PACS2: variants seen among roughly 807,000 people sequenced by gnomAD.
The protein encoded by PACS2 is PACS1-like protein.
PACS2 carries 36 observed loss-of-function variants against 113.0 expected under a neutral mutation model. That is an observed-to-expected ratio of 0.32 (90% confidence interval 0.24 to 0.42). The LOEUF (loss-of-function observed/expected upper bound fraction) is 0.42, where lower values mean the gene tolerates loss of function less well. Among genes scored for constraint, PACS2 ranks in the 10% least tolerant of loss-of-function variants. The pLI, the probability that PACS2 is intolerant of heterozygous loss-of-function variation, is 1.00. For missense variants in PACS2, 1,015 were observed against 1,239.5 expected, an observed-to-expected ratio of 0.82 and a Z score of 2.72; for synonymous variants, 589 against 536.1, an observed-to-expected ratio of 1.10 and a Z score of -1.36.
At position 105,355,842 on chromosome 14, in the gene PACS2, C is replaced by T. The variant is rs921704869; in HGVS notation, c.423+665C>T. Among the ~76,000 whole-genome samples the T allele has an allele frequency of 2.0e-5, 3 of 152,174 alleles. No homozygotes were observed. Among genetic ancestry groups the T allele is most frequent in the African/African-American group, 7.2e-5 (3 of 41,442 alleles). The stretch of plus-strand genomic sequence containing the variant: ...CCCAGGCTGAGGCCTCGGACTTTCT[C>T]ATGGACCCTTTCGGGGCTGCAAGAT... On this transcript the variant is annotated intron_variant, in intron 4 of 24. Coordinates refer to ENST00000447393, the MANE Select transcript of PACS2 (RefSeq NM_001100913.3). This position sits in a 1 kb window ranked among gnomAD's most constrained non-coding sequence, Gnocchi z 4.1.
Position 105,381,017 on chromosome 14 carries a change from TCCAC to T in PACS2, c.1189_1192del (p.Thr397TrpfsTer41). The T allele has an allele frequency of 6.2e-7, 1 of 1,612,490 alleles. No individual in the cohort carries two copies. The highest frequency in any genetic ancestry group is 1.1e-5 in the South Asian group (1 of 91,008). The stretch of plus-strand genomic sequence containing the variant: ...TGAGGACAGCCCCGAGGCTGAGGCC[TCCAC>T]CCTGGATGTGTTCACGGAGAGGCTG... On this transcript the variant is annotated frameshift_variant, in exon 12 of 25. Transcript: ENST00000447393.
intron 3 of PACS2, among the ~76,000 whole-genome samples, chr14:105,353,193 C>A (rs1469847361): frequency 1.6e-5 from 2 of 125,236 alleles, no homozygotes; most frequent in Non-Finnish European, 3.4e-5. Flanking sequence ...CGGGCCCCCC[C>A]AATCACTGTC....
intron 1 of PACS2, among the ~76,000 whole-genome samples, chr14:105,332,415 T>C (rs949327967): frequency 1.3e-5 from 2 of 152,140 alleles, no homozygotes; most frequent in Non-Finnish European, 2.9e-5. Context: ...GAGGAGCAGG[T>C]GGCCCCCTCG....
rs2059235138 is a variant in PACS2 at position 105,329,757 on chromosome 14, G to A, written c.119+14720G>A. 6.6e-6 allele frequency among the ~76,000 whole-genome samples: 1 copy of A among 152,218 alleles called. No individual in the cohort carries two copies. Among genetic ancestry groups the A allele is most frequent in the Non-Finnish European group, 1.5e-5 (1 of 68,042 alleles). The stretch of plus-strand genomic sequence containing the variant: ...TAGTGTATCAGCTCCCGGACTGCAG[G>A]CAGCAGCAAACTCTGCCGTGTGGTA... On this transcript the variant is annotated intron_variant, in intron 1 of 24. Coordinates refer to ENST00000447393, the MANE Select transcript of PACS2 (RefSeq NM_001100913.3). The surrounding 1 kb of genome is among the most constrained non-coding windows in gnomAD (Gnocchi z 6.4).
At position 105,365,865 on chromosome 14, in the gene PACS2, G is replaced by A. The variant is rs1482783814; in HGVS notation, c.424-1348G>A. On this transcript the variant is annotated intron_variant, in intron 4 of 24. Transcript: ENST00000447393. This position sits in a 1 kb window ranked among gnomAD's most constrained non-coding sequence, Gnocchi z 5.1. ...CTGGACAACAGCAGCCTCCAAGTAC[G>A]TGAAGCTGCGTGTGCCCCGGCGAGT... 2.6e-5 allele frequency among the ~76,000 whole-genome samples: 4 copies of A among 152,376 alleles called. No homozygotes were observed. Among genetic ancestry groups the A allele is most frequent in the East Asian group, 1.9e-4 (1 of 5,196 alleles).
chr14:105,397,016 G>A lies in PACS2; in HGVS notation c.*2344G>A, dbSNP rs1323076463. ...CACAGCTCCATCCTTAGCCACGCAA[G>A]GGGAGAACATGGGCAGAGTCTCCAT... On this transcript the variant is annotated 3_prime_UTR_variant, in exon 25 of 25. Coordinates refer to ENST00000447393, the MANE Select transcript of PACS2 (RefSeq NM_001100913.3). 1.3e-5 allele frequency: 2 copies of A among 152,284 alleles called. No individual in the cohort carries two copies. The highest frequency in any genetic ancestry group is 2.9e-5 in the Non-Finnish European group (2 of 68,092). The allele number at this position is 152,284 out of a possible 1,614,324, so 9.4% of individuals were successfully genotyped here.
intron 8 of PACS2, 189 bp downstream of exon 8, chr14:105,370,089 GC>G: frequency 1.8e-6 from 1 of 568,126 alleles, no homozygotes; most frequent in Admixed American, 3.3e-5. Flanking sequence ...CAGGTCACCC[GC>G]TGGGTCTCTG....
Position 105,348,486 on chromosome 14 carries a change from C to G in PACS2, c.120-7C>G, listed in dbSNP as rs201014699. 12 of 1,608,536 alleles carry G rather than the reference C, an allele frequency of 7.5e-6. No homozygotes were observed. The highest frequency in any genetic ancestry group is 1.0e-5 in the Non-Finnish European group (12 of 1,176,788). On this transcript the variant is annotated splice_region_variant and splice_polypyrimidine_tract_variant and intron_variant, in intron 1 of 24. Transcript: ENST00000447393. The surrounding 1 kb of genome is among the most constrained non-coding windows in gnomAD (Gnocchi z 6.4). ...GCCCCGAGGCTGAGCTGTGCCTTGCCTCACAGGTTGTGCAGCCTGACTCTG... is the reference window on the plus strand; with the variant it reads ...GCCCCGAGGCTGAGCTGTGCCTTGCGTCACAGGTTGTGCAGCCTGACTCTG...
chr14:105,379,012 G>T (rs1301011819), intron 9 of PACS2, among the ~76,000 whole-genome samples: 1 of 151,866 alleles, frequency 6.6e-6, no homozygotes, highest in African/African-American at 2.4e-5. Flanking sequence ...GAAAGGCATG[G>T]ATGGTCTGGA....
Position 105,368,553 on chromosome 14 carries a change from GCTT to G in PACS2, c.741+17_741+19del, listed in dbSNP as rs782219475. 6.2e-7 allele frequency: 1 copy of G among 1,603,504 alleles called. No homozygotes were observed. Among genetic ancestry groups the G allele is most frequent in the Non-Finnish European group, 8.5e-7 (1 of 1,170,424 alleles). Reference sequence around the variant, plus strand: ...TCCATGACCAGGGTTGGTGGAGACTGCTTCTATGAATGCTGGGGAAGGCGAGGG... The same window carrying G: ...TCCATGACCAGGGTTGGTGGAGACTGCTATGAATGCTGGGGAAGGCGAGGG... On this transcript the variant is annotated intron_variant, in intron 7 of 24. Transcript: ENST00000447393.
chr14:105,387,262 T>G (rs1319432564), intron 19 of PACS2, among the ~76,000 whole-genome samples: 1 of 152,140 alleles, frequency 6.6e-6, no homozygotes, highest in African/African-American at 2.4e-5. Context: ...CCAGCCAGGC[T>G]CCCCTGCGAG....
At chr14:105,334,882 A>G (rs938625113) in intron 1 of PACS2, among the ~76,000 whole-genome samples, 4 of 152,208 alleles carry the variant, frequency 2.6e-5, no homozygotes, top group African/African-American at 4.8e-5. Context: ...GAGTGTGTGC[A>G]TGGTATGGGA....
intron 1 of PACS2, among the ~76,000 whole-genome samples, chr14:105,345,501 G>A (rs1409070445): frequency 6.6e-6 from 1 of 152,082 alleles, no homozygotes; most frequent in Non-Finnish European, 1.5e-5. Flanking sequence ...ATTTCAGAAC[G>A]GCTTTAGCTG....
At chr14:105,304,410 C>T (rs1023566579) in intron 1 of PACS2, among the ~76,000 whole-genome samples, 2 of 152,128 alleles carry the variant, frequency 1.3e-5, no homozygotes, top group African/African-American at 2.4e-5. Context: ...ATTGCTTGAA[C>T]CTGGGAGGCG....
intron 24 of PACS2, 33 bp downstream of exon 24, chr14:105,393,368 G>A (rs1332470372): frequency 4.7e-6 from 7 of 1,476,908 alleles, no homozygotes; most frequent in Non-Finnish European, 6.6e-6. Context: ...TCTGTAGAGT[G>A]GGACGTAGGT....
At position 105,358,421 on chromosome 14, in the gene PACS2, G is replaced by A. The variant is rs587773378; in HGVS notation, c.423+3244G>A. 2.6e-5 allele frequency among the ~76,000 whole-genome samples: 4 copies of A among 152,318 alleles called. No individual in the cohort carries two copies. The East Asian group carries it at 7.7e-4, about 29-fold the overall frequency. Reference sequence around the variant, plus strand: ...GGCAGCTCCGCAGAGGCAGGTGTGCGGTGGGGGCAGACGTGGGGCCTTCTC... The same window carrying A: ...GGCAGCTCCGCAGAGGCAGGTGTGCAGTGGGGGCAGACGTGGGGCCTTCTC... On this transcript the variant is annotated intron_variant, in intron 4 of 24. Transcript: ENST00000447393. This position sits in a 1 kb window ranked among gnomAD's most constrained non-coding sequence, Gnocchi z 4.9.
chr14:105,360,315 G>A (rs1407400242), intron 4 of PACS2, among the ~76,000 whole-genome samples: 2 of 152,072 alleles, frequency 1.3e-5, no homozygotes, highest in East Asian at 1.9e-4. Context: ...CAAGGCGGGC[G>A]TATCACCTGA....
Position 105,323,939 on chromosome 14 carries a change from C to T in PACS2, c.119+8902C>T, listed in dbSNP as rs760627130. The stretch of plus-strand genomic sequence containing the variant: ...CACGGTGCGTGCACACCGCTCTGTC[C>T]GCGCAGGCTGTGCCCTGCTTTCAAG... On this transcript the variant is annotated intron_variant, in intron 1 of 24. Coordinates refer to ENST00000447393, the MANE Select transcript of PACS2 (RefSeq NM_001100913.3). This position sits in a 1 kb window ranked among gnomAD's most constrained non-coding sequence, Gnocchi z 4.1. Among the ~76,000 whole-genome samples the T allele has an allele frequency of 3.2e-4, 49 of 152,354 alleles. No individual in the cohort carries two copies. Among genetic ancestry groups the T allele is most frequent in the Middle Eastern group, 3.4e-3 (1 of 294 alleles).
chr14:105,378,100 T>C (rs2080851034), intron 9 of PACS2, among the ~76,000 whole-genome samples: 1 of 152,224 alleles, frequency 6.6e-6, no homozygotes, highest in African/African-American at 2.4e-5. Flanking sequence ...CCCTCACACT[T>C]TGGGCCTCCC....
Sources: allele counts gnomAD v4.1 joint callset (sites outside exome capture counted in the v4.1 genomes callset), GRCh38; gene constraint gnomAD v4.1.1; non-coding constraint Gnocchi (gnomAD v3.1); transcripts MANE v1.5; gene names NCBI Gene and HGNC (gene_info 2026-07-23, HGNC 2026-07-21).